LUC7L2: variants seen among roughly 807,000 people sequenced by gnomAD.
LUC7L2 encodes LUC7 like 2, pre-mRNA splicing factor.
In LUC7L2, 25 loss-of-function variants were observed where a neutral mutation model predicts 52.8. The ratio of observed to expected loss-of-function variants is 0.47; its 90% CI spans 0.34 to 0.66. The LOEUF is 0.66. LUC7L2 is among the 30% of genes least tolerant of loss of function. The pLI, the probability that LUC7L2 is intolerant of heterozygous loss-of-function variation, is 0.01. For missense variants in LUC7L2, 328 were observed against 497.8 expected (o/e 0.66, Z 3.25); for synonymous variants, 144 against 160.9 (o/e 0.89, Z 0.80).
chr7:139,368,975 C>G (rs1036707936), intron 1 of LUC7L2, among the ~76,000 whole-genome samples: 6 of 151,998 alleles, frequency 3.9e-5, no homozygotes, highest in African/African-American at 1.5e-4. Flanking sequence ...ACCTCTGTCC[C>G]TTGATATTTT....
chr7:139,376,199 C>T, intron 2 of LUC7L2, 43 bp downstream of exon 2: 4 of 1,581,906 alleles, frequency 2.5e-6, no homozygotes, highest in Non-Finnish European at 3.5e-6. Context: ...TGATATGCTG[C>T]AGTAATGAAC....
At position 139,359,938 on chromosome 7, in the gene LUC7L2, AG is replaced by A. The variant is rs561324745; in HGVS notation, c.-317del. The A allele has an allele frequency of 2.6e-5, 11 of 417,736 alleles. No homozygotes were observed. Among genetic ancestry groups the A allele is most frequent in the South Asian group, 2.0e-4 (3 of 14,780 alleles). The allele number at this position is 417,736 out of a possible 1,614,324, so 25.9% of individuals were successfully genotyped here. ...TGGCGGCGAGCGGCGTCAGAGCTTG[AG>A]GGGGGGTTGACGGCTTCTGGCGGGT... On this transcript the variant is annotated 5_prime_UTR_variant, in exon 1 of 10. Transcript: ENST00000354926.
At chr7:139,396,302 G>GGC (rs1794661346) in intron 2 of LUC7L2, among the ~76,000 whole-genome samples, 2 of 152,090 alleles carry the variant, frequency 1.3e-5, no homozygotes, top group Non-Finnish European at 2.9e-5. Flanking sequence ...TGGATATGGT[G>GGC]GCGGGGGACG....
chr7:139,348,645 G>T (rs1461746470), intron 1 of LUC7L2, among the ~76,000 whole-genome samples: 2 of 152,064 alleles, frequency 1.3e-5, no homozygotes, highest in African/African-American at 4.8e-5. Flanking sequence ...CTTGAACCCG[G>T]GAGGTGGAGG....
chr7:139,412,819 T>G, intron 8 of LUC7L2: 6 of 185,678 alleles, frequency 3.2e-5, no homozygotes, highest in Non-Finnish European at 4.8e-5. Flanking sequence ...AATAGGACTC[T>G]GTCTTTAAAA....
upstream of LUC7L2, among the ~76,000 whole-genome samples, chr7:139,355,619 T>C (rs1799584587): frequency 2.0e-5 from 3 of 152,184 alleles, no homozygotes; most frequent in South Asian, 6.2e-4. Flanking sequence ...ATTCAACTGA[T>C]GGATTTAACA....
chr7:139,412,482 A>G (rs906354896), intron 7 of LUC7L2, 69 bp from the exon 8 acceptor site: 1 of 1,507,274 alleles, frequency 6.6e-7, no homozygotes, highest in Non-Finnish European at 9.0e-7. Flanking sequence ...CAGGAAGAAT[A>G]TAATGTAACA....
chr7:139,422,429 A>C lies in LUC7L2; in HGVS notation c.*89A>C. The stretch of plus-strand genomic sequence containing the variant: ...ACAGCTGTTCAGGGTGACAGTGAGC[A>C]GATCCAGACACCAGATCCAGCTAGG... On this transcript the variant is annotated 3_prime_UTR_variant, in exon 10 of 10. Coordinates refer to ENST00000354926, the MANE Select transcript of LUC7L2 (RefSeq NM_016019.5). 6.7e-7 allele frequency: 1 copy of C among 1,500,456 alleles called. No homozygotes were observed. The highest frequency in any genetic ancestry group is 1.4e-5 in the South Asian group (1 of 70,914). The allele number at this position is 1,500,456 out of a possible 1,614,324, so 92.9% of individuals were successfully genotyped here.
chr7:139,354,953 G>A (rs1309336384), upstream of LUC7L2, among the ~76,000 whole-genome samples: 5 of 152,046 alleles, frequency 3.3e-5, no homozygotes, highest in South Asian at 4.1e-4. Context: ...ACCACATGGG[G>A]CTCAAGAGAG....
intron 7 of LUC7L2, 113 bp from the exon 8 acceptor site, chr7:139,412,438 T>C: frequency 7.5e-7 from 1 of 1,327,788 alleles, no homozygotes; most frequent in Non-Finnish European, 1.0e-6. Flanking sequence ...GGTACACGCC[T>C]TGTATTTATA....
At chr7:139,346,396 A>G (rs1051351443) in intron 1 of LUC7L2, 9 of 152,184 alleles carry the variant, frequency 5.9e-5, no homozygotes, top group Non-Finnish European at 1.0e-4. Flanking sequence ...ATCTTTCCAG[A>G]TATTTCCTAC....
chr7:139,386,427 T>A (rs1295015926), intron 2 of LUC7L2, among the ~76,000 whole-genome samples: 9 of 125,254 alleles, frequency 7.2e-5, no homozygotes, highest in Non-Finnish European at 1.3e-4. Flanking sequence ...TTTTTTGAGA[T>A]GGAGTCTCAC....
At chr7:139,350,070 G>T (rs1352934032) in intron 1 of LUC7L2, among the ~76,000 whole-genome samples, 6 of 152,028 alleles carry the variant, frequency 3.9e-5, no homozygotes, top group Non-Finnish European at 5.9e-5. Flanking sequence ...TATACAGTAT[G>T]CAGTCTTTTG....
intron 4 of LUC7L2, among the ~76,000 whole-genome samples, chr7:139,404,929 C>T (rs1795054848): frequency 6.6e-6 from 1 of 152,234 alleles, no homozygotes; most frequent in South Asian, 2.1e-4. Flanking sequence ...CTGATGGATT[C>T]CTGAACTTGA....
chr7:139,347,694 AAAG>A (rs1350747879), intron 1 of LUC7L2, among the ~76,000 whole-genome samples: 1 of 152,064 alleles, frequency 6.6e-6, no homozygotes, highest in Non-Finnish European at 1.5e-5. Flanking sequence ...TGTATAAAAA[AAAG>A]AAATGTTTAA....
At chr7:139,348,373 C>G (rs1240717866) in intron 1 of LUC7L2, among the ~76,000 whole-genome samples, 1 of 151,180 alleles carries the variant, frequency 6.6e-6, no homozygotes, top group Non-Finnish European at 1.5e-5. Context: ...GCAGAATTGT[C>G]TAATGGTAAG....
At chr7:139,395,775 G>A (rs1794632947) in intron 2 of LUC7L2, among the ~76,000 whole-genome samples, 1 of 152,004 alleles carries the variant, frequency 6.6e-6, no homozygotes, top group African/African-American at 2.4e-5. Flanking sequence ...TCAGGAGCTG[G>A]GACCACAAGC....
At chr7:139,344,625 A>T (rs1323876896) in intron 1 of LUC7L2, among the ~76,000 whole-genome samples, 2 of 152,006 alleles carry the variant, frequency 1.3e-5, no homozygotes, top group African/African-American at 2.4e-5. Context: ...AGTTTTATAC[A>T]TGAAACCTTC....
intron 2 of LUC7L2, among the ~76,000 whole-genome samples, chr7:139,378,833 C>T (rs1360632990): frequency 1.3e-5 from 2 of 152,190 alleles, no homozygotes; most frequent in African/African-American, 2.4e-5. Flanking sequence ...AGTCTCACAA[C>T]GTCCTTTACG....
Sources: allele counts gnomAD v4.1 joint callset (sites outside exome capture counted in the v4.1 genomes callset), GRCh38; gene constraint gnomAD v4.1.1; transcripts MANE v1.5; gene names NCBI Gene and HGNC (gene_info 2026-07-23, HGNC 2026-07-21).